The following PPP2R3C variants were observed in gnomAD, a reference collection of about 807,000 sequenced individuals.
PPP2R3C encodes the protein protein phosphatase 2 regulatory subunit B''gamma, also known as serine/threonine-protein phosphatase 2A regulatory subunit B'' subunit gamma.
In PPP2R3C, 47 loss-of-function variants were observed where a neutral mutation model predicts 63.7. The ratio of observed to expected loss-of-function variants is 0.74; its 90% CI spans 0.58 to 0.94. The LOEUF is 0.94. Among genes scored for constraint, PPP2R3C ranks in the 40% least tolerant of loss-of-function variants. The probability of loss-of-function intolerance (pLI) is 0.00; values close to 1 mark genes in which losing one functional copy is unlikely to be tolerated. For missense variants in PPP2R3C, 421 were observed against 518.4 expected, an observed-to-expected ratio of 0.81 and a Z score of 1.82; for synonymous variants, 180 against 177.4, an observed-to-expected ratio of 1.01 and a Z score of -0.12.
In PPP2R3C at chr14:35,085,702, C is replaced by G. The variant is rs1307002115; in HGVS notation, c.1250G>C (p.Gly417Ala). Residue 417 changes from glycine to alanine, a missense_variant, in exon 13 of 13, where the codon GGA (glycine) becomes GCA (alanine). Gly to Ala is a moderately conservative substitution (Grantham distance 60, BLOSUM62 0). This residue lies in a region of PPP2R3C where 231 missense variants were observed against 264.8 expected (regional missense o/e 0.87). Coordinates refer to ENST00000261475, the MANE Select transcript of PPP2R3C (RefSeq NM_017917.4). The stretch of plus-strand genomic sequence containing the variant: ...GATTAGAATGGTGGTTACTGTGTCT[C>G]CTTGATTACTGTTGATTAAATCCTG... ...SLQDLINSNQ[G>A]DTVTTILIDL... 1 of 1,612,164 alleles carries G rather than the reference C, an allele frequency of 6.2e-7. No homozygotes were observed. Among genetic ancestry groups the G allele is most frequent in the African/African-American group, 1.3e-5 (1 of 74,834 alleles).
At chr14:35,088,708 T>C (rs1035138311) in intron 11 of PPP2R3C, among the ~76,000 whole-genome samples, 1 of 152,166 alleles carries the variant, frequency 6.6e-6, no homozygotes, top group African/African-American at 2.4e-5. Flanking sequence ...TCTGTTAATA[T>C]AGTAATAGAT....
chr14:35,096,953 C>T (rs1004543773), intron 7 of PPP2R3C, among the ~76,000 whole-genome samples, 189 bp from the exon 8 acceptor site: 3 of 152,064 alleles, frequency 2.0e-5, no homozygotes, highest in Admixed American at 6.6e-5. Context: ...GGTGGCTCAC[C>T]GCGTAATTCC....
rs574123897 is a variant in PPP2R3C at position 35,096,549 on chromosome 14, G to A, written c.838+9C>T. 41 of 1,606,698 alleles carry A rather than the reference G, an allele frequency of 2.6e-5. 1 individual carries two copies. The South Asian group carries it at 2.9e-4, about 11-fold the overall frequency. On this transcript the variant is annotated intron_variant, in intron 9 of 12. Coordinates refer to ENST00000261475, the MANE Select transcript of PPP2R3C (RefSeq NM_017917.4). ...TAATTCAAATTTTAGCATTATGATA[G>A]GAACATACCATAAACTCTTAGGGCA...
chr14:35,090,701 G>C (rs992478760), intron 11 of PPP2R3C, among the ~76,000 whole-genome samples: 1 of 148,450 alleles, frequency 6.7e-6, no homozygotes, highest in Non-Finnish European at 1.5e-5. Context: ...TGCTTTTGCT[G>C]CATCTCACAA....
chr14:35,116,941 C>A, intron 1 of PPP2R3C: 1 of 432,200 alleles, frequency 2.3e-6, no homozygotes, highest in Non-Finnish European at 4.3e-6. Flanking sequence ...TCCTCTACAT[C>A]TTCAACCATT....
At chr14:35,109,561 G>C (rs1373298338) in intron 4 of PPP2R3C, among the ~76,000 whole-genome samples, 2 of 151,572 alleles carry the variant, frequency 1.3e-5, no homozygotes, top group Admixed American at 6.6e-5. Context: ...TCATCCTCCC[G>C]GGCTCAAGCA....
chr14:35,112,740 TAAG>T (rs1238314557), intron 2 of PPP2R3C: 5 of 152,206 alleles, frequency 3.3e-5, no homozygotes, highest in African/African-American at 1.2e-4. Context: ...TTAAGTCTAA[TAAG>T]AAACATTTTG....
intron 10 of PPP2R3C, among the ~76,000 whole-genome samples, chr14:35,092,977 G>A (rs2045873416): frequency 1.3e-5 from 2 of 152,062 alleles, no homozygotes; most frequent in Admixed American, 1.3e-4. Flanking sequence ...TCGGGGGGCC[G>A]AGGCGGGCAG....
intron 10 of PPP2R3C, 121 bp downstream of exon 10, chr14:35,094,927 C>T (rs1051736793): frequency 3.7e-6 from 4 of 1,088,506 alleles, no homozygotes; most frequent in Non-Finnish European, 5.2e-6. Context: ...GCACTCTAGC[C>T]TAGGCGACAG....
intron 3 of PPP2R3C, 178 bp from the exon 4 acceptor site, chr14:35,110,109 CCTA>C (rs1360824049): frequency 3.7e-6 from 2 of 533,950 alleles, no homozygotes; most frequent in South Asian, 2.7e-5. Flanking sequence ...TTATTGAGTG[CCTA>C]CTAAGCTTTT....
At chr14:35,093,740 G>A (rs914603103) in intron 10 of PPP2R3C, among the ~76,000 whole-genome samples, 2 of 151,504 alleles carry the variant, frequency 1.3e-5, no homozygotes, top group Non-Finnish European at 2.9e-5. Flanking sequence ...TCCGCCTCCC[G>A]GGTTCACACC....
At chr14:35,122,250 C>G (rs146900545), upstream of PPP2R3C, 2 of 425,976 alleles carry the variant, frequency 4.7e-6, no homozygotes, top group East Asian at 8.2e-5. Context: ...CCACGATAAG[C>G]CCGCGTTTTC....
chr14:35,096,820 T>C, intron 7 of PPP2R3C, 56 bp from the exon 8 acceptor site: 1 of 1,460,170 alleles, frequency 6.8e-7, no homozygotes. Context: ...AGCAACTCAA[T>C]TAATTAAAAA....
rs201311721 is a variant in PPP2R3C, at chr14:35,099,349, C to T, written c.609G>A (p.Thr203=). Residue 203 remains threonine, a synonymous_variant, in exon 7 of 13, where the codon ACG becomes ACA. Coordinates refer to ENST00000261475, the MANE Select transcript of PPP2R3C (RefSeq NM_017917.4). The part of the protein sequence containing the change: ...LENYILELIP[T]LPQLDGLEKS... ...TTTCCAGACCATCTAATTGTGGCAA[C>T]GTAGGGATAAGTTCCAATATGTAGT... 28 of 1,601,240 alleles carry T rather than the reference C, an allele frequency of 1.7e-5. No individual in the cohort carries two copies. The highest frequency in any genetic ancestry group is 2.7e-5 in the African/African-American group (2 of 74,280).
chr14:35,103,366 A>G (rs189620188), intron 6 of PPP2R3C, among the ~76,000 whole-genome samples: 45 of 152,290 alleles, frequency 3.0e-4, no homozygotes, highest in Non-Finnish European at 1.0e-4. Flanking sequence ...ACATCTTCAT[A>G]AGGCTGGCTT....
At chr14:35,102,004 A>G (rs1305219902) in intron 6 of PPP2R3C, 3 of 150,562 alleles carry the variant, frequency 2.0e-5, no homozygotes, top group Non-Finnish European at 2.9e-5. Context: ...TATAAATTTA[A>G]AAGCCTTCCA....
intron 12 of PPP2R3C, 171 bp from the exon 13 acceptor site, chr14:35,085,949 ACAGG>A: frequency 3.5e-6 from 2 of 573,746 alleles, no homozygotes; most frequent in Non-Finnish European, 5.9e-6. Flanking sequence ...TTTCCATTTA[ACAGG>A]CAGTTTCCTT....
intron 9 of PPP2R3C, among the ~76,000 whole-genome samples, chr14:35,096,219 C>A (rs1465736366): frequency 6.7e-6 from 1 of 149,536 alleles, no homozygotes; most frequent in Non-Finnish European, 1.5e-5. Flanking sequence ...GCCTGTAGAC[C>A]CAGTACTGGG....
Position 35,108,133 on chromosome 14 carries a change from A to T in PPP2R3C, c.502+6T>A. On this transcript the variant is annotated splice_donor_region_variant and intron_variant, in intron 5 of 12. Transcript: ENST00000261475. The stretch of plus-strand genomic sequence containing the variant: ...AAGGAGTTCAAGCACAGTAAAAATG[A>T]ATCACCTTTTCTCATGACATAATTA... 1 of 1,607,842 alleles carries T rather than the reference A, an allele frequency of 6.2e-7. No homozygotes were observed. Among genetic ancestry groups the T allele is most frequent in the South Asian group, 1.1e-5 (1 of 89,022 alleles).
Sources: allele counts gnomAD v4.1 joint callset (sites outside exome capture counted in the v4.1 genomes callset), GRCh38; gene constraint gnomAD v4.1.1; regional missense constraint gnomAD v4.1.1; transcripts MANE v1.5; gene names NCBI Gene and HGNC (gene_info 2026-07-23, HGNC 2026-07-21).